RSRC1: variants seen among roughly 807,000 people sequenced by gnomAD.
RSRC1 encodes the protein serine/Arginine-related protein 53.
In RSRC1, 39 loss-of-function variants were observed where a neutral mutation model predicts 49.1. That is an observed-to-expected ratio of 0.79 (90% confidence interval 0.61 to 1.04). RSRC1 has a LOEUF of 1.04. Among genes scored for constraint, RSRC1 ranks in the 50% least tolerant of loss-of-function variants. The pLI is 0.00. For missense variants in RSRC1, 388 were observed against 402.4 expected, an observed-to-expected ratio of 0.96 and a Z score of 0.31; for synonymous variants, 143 against 130.8, an observed-to-expected ratio of 1.09 and a Z score of -0.63.
At chr3:158,136,378 G>A (rs1033932077) in intron 3 of RSRC1, among the ~76,000 whole-genome samples, 1 of 152,068 alleles carries the variant, frequency 6.6e-6, no homozygotes, top group African/African-American at 2.4e-5. Context: ...CCGCTAAAAG[G>A]AACTGAACAA....
At chr3:158,509,429 A>G (rs374777092) in intron 7 of RSRC1, among the ~76,000 whole-genome samples, 3 of 152,186 alleles carry the variant, frequency 2.0e-5, no homozygotes, top group East Asian at 3.8e-4. Flanking sequence ...TCTGAATTTT[A>G]TGCGTATTCT....
At chr3:158,172,019 A>G (rs73027903) in intron 3 of RSRC1, among the ~76,000 whole-genome samples, 6,614 of 152,188 alleles carry the variant, frequency 0.043, 466 homozygotes, top group African/African-American at 0.15. Context: ...CTGAAGAACA[A>G]TGAAAAAAAG....
At chr3:158,215,325 TAG>T (rs1415418199) in intron 4 of RSRC1, among the ~76,000 whole-genome samples, 1 of 149,800 alleles carries the variant, frequency 6.7e-6, no homozygotes, top group Admixed American at 6.7e-5. Context: ...TGGGTAAATG[TAG>T]AGACAGGTTT....
At chr3:158,198,641 C>T (rs956023258) in intron 3 of RSRC1, among the ~76,000 whole-genome samples, 3 of 152,102 alleles carry the variant, frequency 2.0e-5, no homozygotes, top group Non-Finnish European at 4.4e-5. Context: ...TTGTTCCTTT[C>T]CATGTTTAGT....
At chr3:158,451,927 G>C (rs1319103457) in intron 6 of RSRC1, among the ~76,000 whole-genome samples, 2 of 152,114 alleles carry the variant, frequency 1.3e-5, no homozygotes, top group East Asian at 3.9e-4. Flanking sequence ...GTGTTTTCAA[G>C]AGAAACTCAC....
chr3:158,368,377 T>C (rs1731891115), intron 6 of RSRC1, among the ~76,000 whole-genome samples: 1 of 152,230 alleles, frequency 6.6e-6, no homozygotes, highest in Non-Finnish European at 1.5e-5. Flanking sequence ...GGCCAGTTAA[T>C]GGTCATATGG....
chr3:158,139,374 C>T (rs553582368), intron 3 of RSRC1, among the ~76,000 whole-genome samples: 33 of 151,994 alleles, frequency 2.2e-4, no homozygotes, highest in South Asian at 4.2e-4. Context: ...CCACTGCACT[C>T]CAGTCCGGGC....
chr3:158,226,327 A>G (rs1339180138), intron 4 of RSRC1, among the ~76,000 whole-genome samples: 2 of 151,966 alleles, frequency 1.3e-5, no homozygotes, highest in Non-Finnish European at 2.9e-5. Context: ...AGAACCTAAT[A>G]GGGAGCTAGC....
At chr3:158,121,993 A>G in intron 1 of RSRC1, 110 bp from the exon 2 acceptor site, 1 of 589,552 alleles carries the variant, frequency 1.7e-6, no homozygotes, top group Non-Finnish European at 2.7e-6. Flanking sequence ...ATACAGAGGG[A>G]GACCCCATCT....
chr3:158,144,202 G>A (rs1716930876), intron 3 of RSRC1, among the ~76,000 whole-genome samples: 1 of 152,118 alleles, frequency 6.6e-6, no homozygotes, highest in Admixed American at 6.5e-5. Flanking sequence ...TGTTACATAT[G>A]TATACTTGTG....
chr3:158,317,399 T>A (rs1728522954), intron 5 of RSRC1, among the ~76,000 whole-genome samples: 2 of 151,928 alleles, frequency 1.3e-5, no homozygotes, highest in African/African-American at 4.8e-5. Context: ...CAGCTAATTT[T>A]TGTATTTTTT....
At chr3:158,373,825 A>G (rs911406368) in intron 6 of RSRC1, among the ~76,000 whole-genome samples, 1 of 152,030 alleles carries the variant, frequency 6.6e-6, no homozygotes, top group African/African-American at 2.4e-5. Context: ...GAATATCACC[A>G]GTAGACTATG....
At chr3:158,152,660 G>GT (rs1717618351) in intron 3 of RSRC1, among the ~76,000 whole-genome samples, 3 of 152,096 alleles carry the variant, frequency 2.0e-5, no homozygotes, top group Admixed American at 2.0e-4. Context: ...TTTCCAGTTC[G>GT]TGTCTGTTGC....
chr3:158,477,330 T>G (rs1374720235), intron 7 of RSRC1, among the ~76,000 whole-genome samples: 1 of 152,160 alleles, frequency 6.6e-6, no homozygotes, highest in Non-Finnish European at 1.5e-5. Context: ...TCACATGCTA[T>G]AGAGAACTCT....
intron 5 of RSRC1, among the ~76,000 whole-genome samples, chr3:158,353,995 CT>C (rs1230649090): frequency 3.0e-4 from 29 of 96,306 alleles, no homozygotes; most frequent in South Asian, 4.0e-4. Flanking sequence ...GTTTCTTTTT[CT>C]TTTTTTTTTT....
chr3:158,520,317 T>C (rs1055311121), intron 7 of RSRC1, among the ~76,000 whole-genome samples: 1 of 152,164 alleles, frequency 6.6e-6, no homozygotes, highest in East Asian at 1.9e-4. Context: ...GAAATAAATA[T>C]GTTCTCCTAG....
chr3:158,529,476 GC>G (rs1712252158), intron 7 of RSRC1, among the ~76,000 whole-genome samples: 1 of 151,714 alleles, frequency 6.6e-6, no homozygotes, highest in Non-Finnish European at 1.5e-5. Context: ...TTATTTATTA[GC>G]CTCAGTTTCT....
intron 5 of RSRC1, among the ~76,000 whole-genome samples, chr3:158,318,330 C>T (rs576847163): frequency 2.0e-5 from 3 of 152,208 alleles, no homozygotes; most frequent in South Asian, 2.1e-4. Context: ...GGTATTATGG[C>T]GTTCAGGACC....
At chr3:158,409,747 G>A (rs1314361317) in intron 6 of RSRC1, among the ~76,000 whole-genome samples, 2 of 152,034 alleles carry the variant, frequency 1.3e-5, no homozygotes, top group East Asian at 3.9e-4. Flanking sequence ...CTTTGTTGGG[G>A]TCAGAAGGTT....
Sources: allele counts gnomAD v4.1 joint callset (sites outside exome capture counted in the v4.1 genomes callset), GRCh38; gene constraint gnomAD v4.1.1; transcripts MANE v1.5; gene names NCBI Gene and HGNC (gene_info 2026-07-23, HGNC 2026-07-21).